The following STX8 variants were observed in gnomAD, a reference collection of about 807,000 sequenced individuals.
STX8 encodes syntaxin 8, also known as syntaxin-8.
A neutral mutation model predicts 37.5 loss-of-function variants in STX8; 23 were observed. The ratio of observed to expected loss-of-function variants is 0.61; its 90% CI spans 0.44 to 0.87. The LOEUF is 0.87. STX8 is among the 40% of genes least tolerant of loss of function. STX8 has a pLI of 0.00. For synonymous variants in STX8, 115 were observed against 99.1 expected, an observed-to-expected ratio of 1.16 and a Z score of -0.95; for missense variants, 313 against 284.7, an observed-to-expected ratio of 1.10 and a Z score of -0.71.
At chr17:9,328,922 C>G (rs1388797905) in intron 7 of STX8, among the ~76,000 whole-genome samples, 2 of 151,848 alleles carry the variant, frequency 1.3e-5, no homozygotes, top group Non-Finnish European at 2.9e-5. Context: ...TGGTGACAGG[C>G]ACCTGTAGTC....
chr17:9,473,859 T>A (rs1328540366), intron 6 of STX8, among the ~76,000 whole-genome samples: 5 of 152,152 alleles, frequency 3.3e-5, no homozygotes, highest in Non-Finnish European at 7.4e-5. Context: ...GCTAATTTCT[T>A]TGGGGAAATT....
intron 7 of STX8, among the ~76,000 whole-genome samples, chr17:9,360,617 A>C (rs1911030714): frequency 6.6e-6 from 1 of 151,788 alleles, no homozygotes; most frequent in Admixed American, 6.6e-5. Flanking sequence ...AAAATGGTGA[A>C]AAATCTTAAT....
intron 6 of STX8, among the ~76,000 whole-genome samples, chr17:9,418,374 G>GT (rs1322811066): frequency 6.6e-6 from 1 of 152,164 alleles, no homozygotes; most frequent in Non-Finnish European, 1.5e-5. Context: ...AAAACTAACA[G>GT]TAAGTGTGGG....
At chr17:9,261,261 G>C (rs1305481975) in intron 7 of STX8, among the ~76,000 whole-genome samples, 2 of 152,208 alleles carry the variant, frequency 1.3e-5, no homozygotes, top group African/African-American at 4.8e-5. Flanking sequence ...CTCACGGCCC[G>C]GCCAGGGCGA....
At chr17:9,273,506 C>T (rs567225759) in intron 7 of STX8, 4 of 152,624 alleles carry the variant, frequency 2.6e-5, no homozygotes, top group Non-Finnish European at 5.9e-5. Flanking sequence ...CCTCTCCCCA[C>T]TGCCAGCGAG....
chr17:9,490,049 T>C (rs1204365688), intron 6 of STX8, among the ~76,000 whole-genome samples: 3 of 152,166 alleles, frequency 2.0e-5, no homozygotes, highest in Admixed American at 6.5e-5. Context: ...ATAACTGAAT[T>C]ATATGCAAAT....
intron 6 of STX8, among the ~76,000 whole-genome samples, chr17:9,386,063 A>G (rs2142295274): frequency 6.8e-6 from 1 of 147,736 alleles, no homozygotes; most frequent in African/African-American, 2.5e-5. Flanking sequence ...TGCCTGGCTC[A>G]CTCCTAGGTA....
At chr17:9,480,282 G>A (rs895180580) in intron 6 of STX8, among the ~76,000 whole-genome samples, 1 of 152,092 alleles carries the variant, frequency 6.6e-6, no homozygotes, top group Non-Finnish European at 1.5e-5. Context: ...TTTGTTTAAC[G>A]AATAAACAAT....
intron 7 of STX8, among the ~76,000 whole-genome samples, chr17:9,274,092 C>G (rs566227289): frequency 6.6e-6 from 1 of 152,278 alleles, no homozygotes; most frequent in East Asian, 1.9e-4. Context: ...AAAAGTCAGA[C>G]AAGAAAGTCA....
intron 7 of STX8, among the ~76,000 whole-genome samples, chr17:9,366,567 G>A (rs1366948844): frequency 3.3e-5 from 5 of 152,114 alleles, no homozygotes; most frequent in Admixed American, 1.3e-4. Context: ...GAATGAGCTC[G>A]GGCCCACGCT....
intron 7 of STX8, among the ~76,000 whole-genome samples, chr17:9,368,922 C>CT (rs71830909): frequency 0.063 from 9,108 of 145,310 alleles, 423 homozygotes; most frequent in African/African-American, 0.12. Context: ...ACCTTTTACC[C>CT]TTTTTTTTTT....
intron 6 of STX8, among the ~76,000 whole-genome samples, chr17:9,383,513 T>C (rs896714163): frequency 2.0e-5 from 3 of 152,188 alleles, no homozygotes; most frequent in African/African-American, 7.2e-5. Flanking sequence ...CTCTCAGAGC[T>C]AACATCATAC....
intron 6 of STX8, among the ~76,000 whole-genome samples, chr17:9,470,606 G>A (rs1905806256): frequency 2.6e-5 from 4 of 152,102 alleles, no homozygotes; most frequent in Admixed American, 2.6e-4. Flanking sequence ...ACTTTTCTCA[G>A]GAATTAAGCA....
chr17:9,431,235 TTC>T (rs1309045883), intron 6 of STX8, among the ~76,000 whole-genome samples: 1 of 121,236 alleles, frequency 8.2e-6, no homozygotes, highest in Non-Finnish European at 1.9e-5. Flanking sequence ...TGTTTTATTT[TTC>T]TGTTTTTTTT....
At chr17:9,500,406 A>G (rs1904568043) in intron 5 of STX8, among the ~76,000 whole-genome samples, 1 of 152,222 alleles carries the variant, frequency 6.6e-6, no homozygotes, top group South Asian at 2.1e-4. Flanking sequence ...CTACCTCATA[A>G]GAGTTCCCAA....
intron 6 of STX8, among the ~76,000 whole-genome samples, chr17:9,387,749 A>G (rs1313545047): frequency 6.6e-6 from 1 of 152,222 alleles, no homozygotes; most frequent in Non-Finnish European, 1.5e-5. Flanking sequence ...CATCAACGCC[A>G]CAATACATAA....
chr17:9,380,624 C>CA (rs1911766324), intron 6 of STX8, among the ~76,000 whole-genome samples: 1 of 151,148 alleles, frequency 6.6e-6, no homozygotes, highest in Non-Finnish European at 1.5e-5. Flanking sequence ...ACCACATCTA[C>CA]GACAGTAGTA....
chr17:9,551,313 G>T (rs181901487), intron 3 of STX8, among the ~76,000 whole-genome samples: 1 of 152,108 alleles, frequency 6.6e-6, no homozygotes, highest in Non-Finnish European at 1.5e-5. Flanking sequence ...ATCACATTTT[G>T]CAAGTACTAT....
At chr17:9,429,334 T>A (rs950694858) in intron 6 of STX8, among the ~76,000 whole-genome samples, 8 of 146,112 alleles carry the variant, frequency 5.5e-5, no homozygotes, top group African/African-American at 1.7e-4. Flanking sequence ...ATATATTTTA[T>A]ATACATATAT....
Sources: allele counts gnomAD v4.1 joint callset (sites outside exome capture counted in the v4.1 genomes callset), GRCh38; gene constraint gnomAD v4.1.1; transcripts MANE v1.5; gene names NCBI Gene and HGNC (gene_info 2026-07-23, HGNC 2026-07-21).